The following GRID2 variants were observed in gnomAD, a reference collection of about 807,000 sequenced individuals.
The protein encoded by GRID2 is glutamate ionotropic receptor delta type subunit 2.
Under a neutral mutation model 114.8 loss-of-function variants are expected in GRID2, and 33 were observed. That is an observed-to-expected ratio of 0.29 (90% CI 0.22 to 0.38). The LOEUF is 0.38. Among genes scored for constraint, GRID2 ranks in the 10% least tolerant of loss-of-function variants. The probability of loss-of-function intolerance (pLI) is 1.00; values close to 1 mark genes in which losing one functional copy is unlikely to be tolerated. For synonymous variants in GRID2, 505 were observed against 449.9 expected, an observed-to-expected ratio of 1.12 and a Z score of -1.55; for missense variants, 1,184 against 1,257.7, an observed-to-expected ratio of 0.94 and a Z score of 0.89.
intron 13 of GRID2, among the ~76,000 whole-genome samples, chr4:93,562,876 T>C (rs988938579): frequency 3.3e-5 from 5 of 152,068 alleles, no homozygotes; most frequent in African/African-American, 1.2e-4. Flanking sequence ...CTCTCTATTC[T>C]GTTCTATTGA....
At chr4:93,139,606 T>C (rs901981047) in intron 4 of GRID2, among the ~76,000 whole-genome samples, 1 of 152,194 alleles carries the variant, frequency 6.6e-6, no homozygotes, top group Non-Finnish European at 1.5e-5. Context: ...TCTTGGTCTG[T>C]GTCTTTCTAG....
At chr4:92,972,216 T>G (rs78736776) in intron 2 of GRID2, among the ~76,000 whole-genome samples, 2 of 151,706 alleles carry the variant, frequency 1.3e-5, no homozygotes, top group African/African-American at 2.4e-5. Context: ...TTTTTTTTTT[T>G]GTCTTTCTGA....
At chr4:93,715,124 G>T (rs1483017119) in intron 14 of GRID2, among the ~76,000 whole-genome samples, 3 of 152,034 alleles carry the variant, frequency 2.0e-5, no homozygotes, top group African/African-American at 4.8e-5. Flanking sequence ...GTAAGGAAGG[G>T]GTCCAGTTTC....
intron 2 of GRID2, among the ~76,000 whole-genome samples, chr4:92,708,887 AGCCTCGG>A (rs1273683145): frequency 6.6e-6 from 1 of 152,140 alleles, no homozygotes; most frequent in East Asian, 1.9e-4. Flanking sequence ...ATTGCAGTCT[AGCCTCGG>A]CAACAAGAGT....
intron 8 of GRID2, among the ~76,000 whole-genome samples, chr4:93,299,707 A>G (rs1413626928): frequency 6.6e-6 from 1 of 152,054 alleles, no homozygotes; most frequent in Non-Finnish European, 1.5e-5. Flanking sequence ...TAATAAAAAT[A>G]TATATATAAA....
At chr4:92,909,729 C>T (rs1231199999) in intron 2 of GRID2, among the ~76,000 whole-genome samples, 1 of 152,058 alleles carries the variant, frequency 6.6e-6, no homozygotes, top group Non-Finnish European at 1.5e-5. Flanking sequence ...TTTGCTAATG[C>T]CTTCTGTTAT....
Position 93,772,318 on chromosome 4 carries a change from T to G in GRID2, c.2844T>G (p.Ala948=). ...TTAGCCGCACACTGTCAGCTAAAGC[T>G]GCTTCTGGTTTCACTTTTGGCAACG... ...QTLSRTLSAK[A]ASGFTFGNVP... The change falls in exon 16 of 16, where the codon GCT becomes GCG. Residue 948 remains alanine (A), a synonymous_variant. Coordinates refer to ENST00000282020, the MANE Select transcript of GRID2 (RefSeq NM_001510.4). The G allele has an allele frequency of 1.2e-6, 2 of 1,614,170 alleles. No individual in the cohort carries two copies. Among genetic ancestry groups the G allele is most frequent in the Non-Finnish European group, 1.7e-6 (2 of 1,180,016 alleles).
intron 1 of GRID2, among the ~76,000 whole-genome samples, chr4:92,471,643 T>C (rs1266368786): frequency 2.0e-5 from 3 of 151,952 alleles, no homozygotes; most frequent in African/African-American, 7.2e-5. Flanking sequence ...ATATACTAAC[T>C]TAAACAAATT....
At chr4:92,971,361 C>T (rs1753503965) in intron 2 of GRID2, among the ~76,000 whole-genome samples, 1 of 151,946 alleles carries the variant, frequency 6.6e-6, no homozygotes, top group African/African-American at 2.4e-5. Flanking sequence ...TAGATAGTTA[C>T]ACAGAAGTAA....
chr4:93,316,334 A>AGG (rs1178692548), intron 8 of GRID2, among the ~76,000 whole-genome samples: 5 of 53,880 alleles, frequency 9.3e-5, no homozygotes, highest in African/African-American at 3.7e-4. Flanking sequence ...GAAAGAAAGA[A>AGG]AGAAAGAAGG....
chr4:92,416,967 C>A (rs570421173), intron 1 of GRID2, among the ~76,000 whole-genome samples: 12 of 152,044 alleles, frequency 7.9e-5, no homozygotes, highest in African/African-American at 2.9e-4. Flanking sequence ...ATGGGAATTA[C>A]ATTGAATTTG....
chr4:92,778,482 C>T (rs1738912466), intron 2 of GRID2, among the ~76,000 whole-genome samples: 1 of 152,114 alleles, frequency 6.6e-6, no homozygotes, highest in Admixed American at 6.6e-5. Flanking sequence ...TACATTCTGA[C>T]TGATAGGTTC....
chr4:93,191,779 T>C (rs549716922), intron 4 of GRID2, among the ~76,000 whole-genome samples: 45 of 152,294 alleles, frequency 3.0e-4, no homozygotes, highest in Non-Finnish European at 5.4e-4. Flanking sequence ...TATGTAACTA[T>C]CTTCATAACA....
intron 2 of GRID2, among the ~76,000 whole-genome samples, chr4:92,825,395 G>A (rs1036787966): frequency 2.0e-5 from 3 of 152,106 alleles, no homozygotes; most frequent in African/African-American, 7.2e-5. Context: ...CTGCTTATCA[G>A]TTGTGCTATG....
intron 2 of GRID2, among the ~76,000 whole-genome samples, chr4:92,860,039 C>T (rs1744425291): frequency 6.6e-6 from 1 of 152,232 alleles, no homozygotes; most frequent in South Asian, 2.1e-4. Flanking sequence ...GAGTAATAAT[C>T]ATATTTAGTA....
chr4:92,582,555 G>A (rs1482314351), intron 1 of GRID2, among the ~76,000 whole-genome samples: 2 of 151,694 alleles, frequency 1.3e-5, no homozygotes, highest in Non-Finnish European at 2.9e-5. Flanking sequence ...TTCAAAGTAT[G>A]CAAAAAGTAC....
At chr4:93,748,848 C>A (rs968657053) in intron 14 of GRID2, among the ~76,000 whole-genome samples, 4 of 151,700 alleles carry the variant, frequency 2.6e-5, no homozygotes, top group Non-Finnish European at 4.4e-5. Context: ...GGAACAAGCC[C>A]AAAGAAAAAC....
At chr4:93,098,894 T>A (rs1731454804) in intron 3 of GRID2, among the ~76,000 whole-genome samples, 1 of 151,850 alleles carries the variant, frequency 6.6e-6, no homozygotes, top group South Asian at 2.1e-4. Context: ...CCTCTACTTC[T>A]ATTCATGTGT....
chr4:93,068,482 C>T lies in GRID2; in HGVS notation c.245-16513C>T, dbSNP rs900243589. Reference sequence around the variant, plus strand: ...CTTTGCAATTGGAACATCTAACTCTCGTTAAAACAATTTCTATGGATATCA... The same window carrying T: ...CTTTGCAATTGGAACATCTAACTCTTGTTAAAACAATTTCTATGGATATCA... On this transcript the variant is annotated intron_variant, in intron 2 of 15. Transcript: ENST00000282020. 7.2e-5 allele frequency among the ~76,000 whole-genome samples: 11 copies of T among 151,916 alleles called. No individual in the cohort carries two copies. In the South Asian group the frequency reaches 1.2e-3, roughly 17 times the overall value.
Sources: allele counts gnomAD v4.1 joint callset (sites outside exome capture counted in the v4.1 genomes callset), GRCh38; gene constraint gnomAD v4.1.1; transcripts MANE v1.5; gene names NCBI Gene and HGNC (gene_info 2026-07-23, HGNC 2026-07-21).